NACC2: variants seen among roughly 807,000 people sequenced by gnomAD.
The protein encoded by NACC2 is nucleus accumbens-associated protein 2.
A neutral mutation model predicts 25.1 loss-of-function variants in NACC2; 8 were observed. The ratio of observed to expected loss-of-function variants is 0.32; its 90% CI spans 0.19 to 0.57. The LOEUF is 0.57. Ranked by LOEUF, NACC2 falls within the 20% of genes least tolerant of loss-of-function variation. The probability of loss-of-function intolerance (pLI) is 0.89; values close to 1 mark genes in which losing one functional copy is unlikely to be tolerated. For synonymous variants in NACC2, 435 were observed against 294.7 expected (o/e 1.48, Z -4.88); for missense variants, 644 against 650.2 (o/e 0.99, Z 0.10).
Position 136,013,911 on chromosome 9 carries a change from C to T in NACC2, c.1110G>A (p.Val370=), listed in dbSNP as rs1840153663. ...QLMNCHLCAG[V]KHKVLLRRLL... ...GCCTCCGCAGCAAGACCTTATGCTT[C>T]ACCCCTGCACACAGGTGGCAGTTCA... Residue 370 remains valine, a synonymous_variant, in exon 4 of 6, where the codon GTG becomes GTA. Transcript: ENST00000277554. The surrounding 1 kb of genome is among the most constrained non-coding windows in gnomAD (Gnocchi z 6.6). The T allele has an allele frequency of 6.2e-7, 1 of 1,612,934 alleles. No individual in the cohort carries two copies. The highest frequency in any genetic ancestry group is 8.5e-7 in the Non-Finnish European group (1 of 1,179,980).
At chr9:136,094,195 CG>C (rs1239135813) in intron 1 of NACC2, among the ~76,000 whole-genome samples, 1 of 152,228 alleles carries the variant, frequency 6.6e-6, no homozygotes, top group Non-Finnish European at 1.5e-5. Context: ...CCCAGGGAGA[CG>C]GGCCCACCAG....
chr9:136,085,677 G>A (rs1372807111), intron 1 of NACC2, among the ~76,000 whole-genome samples: 1 of 152,228 alleles, frequency 6.6e-6, no homozygotes, highest in East Asian at 1.9e-4. Flanking sequence ...AAGACACACA[G>A]GTATGCAGGG....
At chr9:136,056,944 C>T (rs986043718) in intron 1 of NACC2, among the ~76,000 whole-genome samples, 1 of 152,238 alleles carries the variant, frequency 6.6e-6, no homozygotes, top group African/African-American at 2.4e-5. Context: ...CTCGGCCACC[C>T]GTGGGCAGGC....
intron 2 of NACC2, among the ~76,000 whole-genome samples, chr9:136,038,410 T>C (rs1485772235): frequency 6.6e-6 from 1 of 152,108 alleles, no homozygotes; most frequent in Non-Finnish European, 1.5e-5. Flanking sequence ...TGTGGTGGCA[T>C]GTGCTTGTAG....
chr9:136,067,707 C>T (rs1302525520), intron 1 of NACC2, among the ~76,000 whole-genome samples: 2 of 152,094 alleles, frequency 1.3e-5, no homozygotes, highest in Non-Finnish European at 2.9e-5. Flanking sequence ...TGGTGGCGGG[C>T]ACCTGTAGTC....
rs144434032 is a variant in NACC2, at chr9:136,060,547, G to T, written c.-59-9967C>A. Among the ~76,000 whole-genome samples the T allele has an allele frequency of 6.2e-3, 950 of 152,324 alleles. 13 individuals are homozygous for T. Among genetic ancestry groups the T allele is most frequent in the African/African-American group, 0.021 (880 of 41,544 alleles). ...GGTCAGCTCCACACTGGGGCCGGGT[G>T]GGGGGTGCCACTCTGCCTTGACTCA... On this transcript the variant is annotated intron_variant, in intron 1 of 5. Transcript: ENST00000277554.
rs1208344891 is a variant in NACC2 at position 136,009,828 on chromosome 9, C to T, written c.*1688G>A. 1 of 141,204 alleles carries T rather than the reference C, an allele frequency of 7.1e-6. No individual in the cohort carries two copies. The highest frequency in any genetic ancestry group is 2.7e-5 in the African/African-American group (1 of 36,744). The allele number at this position is 141,204 out of a possible 1,614,324, so 8.7% of individuals were successfully genotyped here. ...CGCTGGTCGGCCACCGCTCACTGGC[C>T]TGTGTGCACACCGGAGGGGGTGCTG... On this transcript the variant is annotated 3_prime_UTR_variant, in exon 6 of 6. Transcript: ENST00000277554.
intron 2 of NACC2, among the ~76,000 whole-genome samples, chr9:136,046,164 T>A (rs958595800): frequency 1.3e-5 from 2 of 152,298 alleles, no homozygotes; most frequent in Admixed American, 1.3e-4. Flanking sequence ...GGCTGGCCCC[T>A]GACTCACCCC....
In NACC2 at chr9:136,011,887, T is replaced by C. The variant is rs61742050; in HGVS notation, c.1393A>G (p.Met465Val). The C allele has an allele frequency of 8.9e-3, 14,053 of 1,574,920 alleles. 96 individuals are homozygous for C. Among genetic ancestry groups the C allele is most frequent in the South Asian group, 0.021 (1,800 of 86,936 alleles). The change falls in exon 6 of 6, where the codon ATG (methionine) becomes GTG (valine). Residue 465 changes from methionine to valine, a missense_variant. Coordinates refer to ENST00000277554, the MANE Select transcript of NACC2 (RefSeq NM_144653.5). Reference protein sequence around the residue: ...IKSMLPEGVEMYRTVMGSAAA... With the variant: ...IKSMLPEGVEVYRTVMGSAAA... The stretch of plus-strand genomic sequence containing the variant: ...GCGGAGCCCATGACCGTGCGGTACA[T>C]CTCCACGCCCTCCGGCAGCATGGAC...
In NACC2 at chr9:136,086,020, G is replaced by A. The variant is rs538736318; in HGVS notation, c.-60+9169C>T. On this transcript the variant is annotated intron_variant, in intron 1 of 5. Coordinates refer to ENST00000277554, the MANE Select transcript of NACC2 (RefSeq NM_144653.5). This position sits in a 1 kb window ranked among gnomAD's most constrained non-coding sequence, Gnocchi z 5.6. ...ACTGGGCACCGCGCAGGGCAGCTCC[G>A]ATGGGAGGGGTTGGCAGAGCCCGGA... 4.9e-4 allele frequency among the ~76,000 whole-genome samples: 75 copies of A among 152,196 alleles called. No individual in the cohort carries two copies. The highest frequency in any genetic ancestry group is 1.6e-3 in the African/African-American group (67 of 41,522).
chr9:136,022,821 T>C lies in NACC2; in HGVS notation c.887-6392A>G, dbSNP rs1389995171. On this transcript the variant is annotated intron_variant, in intron 2 of 5. Transcript: ENST00000277554. This position sits in a 1 kb window ranked among gnomAD's most constrained non-coding sequence, Gnocchi z 4.4. The stretch of plus-strand genomic sequence containing the variant: ...AATTATAAGGCATGCCATTCTCTCA[T>C]GTGCCACAGGGCAAAGGTGCCACCA... Among the ~76,000 whole-genome samples the C allele has an allele frequency of 6.6e-6, 1 of 151,674 alleles. No individual in the cohort carries two copies. The highest frequency in any genetic ancestry group is 1.5e-5 in the Non-Finnish European group (1 of 67,964).
Position 136,050,588 on chromosome 9 carries a change from G to T in NACC2, c.-59-8C>A, listed in dbSNP as rs1365128326. ...GGCCCTAGCGGGGCTCATCTGTGGG[G>T]GGCAGGAGGCACGTGGTCAGTTCCT... On this transcript the variant is annotated splice_polypyrimidine_tract_variant and splice_region_variant and intron_variant, in intron 1 of 5. Transcript: ENST00000277554. 4 of 713,648 alleles carry T rather than the reference G, an allele frequency of 5.6e-6. No homozygotes were observed. The highest frequency in any genetic ancestry group is 3.5e-5 in the African/African-American group (2 of 57,638). The allele number at this position is 713,648 out of a possible 1,614,324, so 44.2% of individuals were successfully genotyped here.
intron 2 of NACC2, among the ~76,000 whole-genome samples, chr9:136,016,753 G>A (rs1840209232): frequency 6.6e-6 from 1 of 152,214 alleles, no homozygotes; most frequent in Non-Finnish European, 1.5e-5. Flanking sequence ...TCCTAGGAGG[G>A]TGCTATGCAG....
At chr9:136,049,067 T>C (rs1840773304) in intron 2 of NACC2, among the ~76,000 whole-genome samples, 1 of 152,170 alleles carries the variant, frequency 6.6e-6, no homozygotes, top group South Asian at 2.1e-4. Context: ...ACCAGGAATC[T>C]CCAATTAGGG....
chr9:136,029,479 G>A (rs1234661311), intron 2 of NACC2, among the ~76,000 whole-genome samples: 1 of 152,232 alleles, frequency 6.6e-6, no homozygotes, highest in Non-Finnish European at 1.5e-5. Flanking sequence ...CAAATGGCAG[G>A]ATTAAAAGAG....
chr9:136,052,050 C>T (rs922929786), intron 1 of NACC2, among the ~76,000 whole-genome samples: 11 of 152,216 alleles, frequency 7.2e-5, no homozygotes, highest in Non-Finnish European at 1.5e-4. Flanking sequence ...ACGAACGTTC[C>T]GGCGGCTCGG....
intron 1 of NACC2, among the ~76,000 whole-genome samples, chr9:136,052,051 G>A (rs1315072909): frequency 1.3e-5 from 2 of 152,224 alleles, no homozygotes; most frequent in Non-Finnish European, 2.9e-5. Context: ...CGAACGTTCC[G>A]GCGGCTCGGG....
At chr9:136,046,150 G>A (rs981375792) in intron 2 of NACC2, among the ~76,000 whole-genome samples, 3 of 152,254 alleles carry the variant, frequency 2.0e-5, no homozygotes, top group Admixed American at 6.5e-5. Flanking sequence ...CTGCTCTCTG[G>A]AGGGGCTGGC....
intron 1 of NACC2, among the ~76,000 whole-genome samples, chr9:136,091,802 A>C (rs1830436106): frequency 6.6e-6 from 1 of 151,824 alleles, no homozygotes. Context: ...TCTCACCAAG[A>C]GCCAGGGCTG....
Sources: allele counts gnomAD v4.1 joint callset (sites outside exome capture counted in the v4.1 genomes callset), GRCh38; gene constraint gnomAD v4.1.1; non-coding constraint Gnocchi (gnomAD v3.1); transcripts MANE v1.5; gene names NCBI Gene and HGNC (gene_info 2026-07-23, HGNC 2026-07-21).